Variants in INPP5A observed in about 807,000 individuals in gnomAD.
INPP5A encodes 43 kDa inositol polyphosphate 5-phophatase.
A neutral mutation model predicts 65.2 loss-of-function variants in INPP5A; 14 were observed. That is an observed-to-expected ratio of 0.21 (90% confidence interval 0.14 to 0.34). The LOEUF (loss-of-function observed/expected upper bound fraction) is 0.34, where lower values mean the gene tolerates loss of function less well. Among genes scored for constraint, INPP5A ranks in the 10% least tolerant of loss-of-function variants. The pLI, the probability that INPP5A is intolerant of heterozygous loss-of-function variation, is 1.00. For synonymous variants in INPP5A, 207 were observed against 208.3 expected, an observed-to-expected ratio of 0.99 and a Z score of 0.05; for missense variants, 431 against 545.6, an observed-to-expected ratio of 0.79 and a Z score of 2.09.
At chr10:132,649,530 C>T (rs528786488) in intron 3 of INPP5A, among the ~76,000 whole-genome samples, 1 of 152,342 alleles carries the variant, frequency 6.6e-6, no homozygotes, top group African/African-American at 2.4e-5. Flanking sequence ...ACAGTTAAGC[C>T]ACATGGGGAT....
chr10:132,765,758 CTT>C lies in INPP5A; in HGVS notation c.904-13_904-12del. 4 of 1,558,330 alleles carry C rather than the reference CTT, an allele frequency of 2.6e-6. No homozygotes were observed. Among genetic ancestry groups the C allele is most frequent in the Non-Finnish European group, 3.5e-6 (4 of 1,129,218 alleles). ...AACCAATGTGACTTTATTTTCTGCT[CTT>C]TCTTTTCTTTAGCTCTTGGAGTTTG... On this transcript the variant is annotated splice_polypyrimidine_tract_variant and intron_variant, in intron 11 of 15. Coordinates refer to ENST00000368594, the MANE Select transcript of INPP5A (RefSeq NM_005539.5).
chr10:132,669,856 C>A (rs1282381034), intron 4 of INPP5A, among the ~76,000 whole-genome samples: 2 of 152,018 alleles, frequency 1.3e-5, no homozygotes, highest in Non-Finnish European at 2.9e-5. Context: ...TGCTGAGCCC[C>A]CAGGGAGCCA....
intron 2 of INPP5A, among the ~76,000 whole-genome samples, chr10:132,635,329 T>C (rs1484835466): frequency 6.6e-6 from 1 of 151,896 alleles, no homozygotes; most frequent in Non-Finnish European, 1.5e-5. Flanking sequence ...TTTGAATTAT[T>C]TAATTTTTTT....
intron 1 of INPP5A, among the ~76,000 whole-genome samples, chr10:132,541,584 A>G (rs1384246092): frequency 5.9e-5 from 9 of 152,184 alleles, no homozygotes; most frequent in Admixed American, 5.9e-4. Flanking sequence ...AACTACCAAT[A>G]TTTCTCATAT....
At chr10:132,709,121 C>G in intron 7 of INPP5A, among the ~76,000 whole-genome samples, 1 of 151,480 alleles carries the variant, frequency 6.6e-6, no homozygotes, top group South Asian at 2.1e-4. Context: ...CCCTGGTCAC[C>G]TTGGGGCTTC....
At chr10:132,719,435 T>C (rs376668371) in intron 8 of INPP5A, among the ~76,000 whole-genome samples, 4 of 149,750 alleles carry the variant, frequency 2.7e-5, no homozygotes, top group East Asian at 4.0e-4. Context: ...TCTTCAGGGT[T>C]CTGTGGTACC....
In INPP5A at chr10:132,757,329, C is replaced by A. The variant is rs115306964; in HGVS notation, c.903+7484C>A. ...GTCCCAGCCCTGCCAGCTCCCTTCG[C>A]GAGCGGGGCTCCGCAGAGGTGCACG... On this transcript the variant is annotated intron_variant, in intron 11 of 15. Transcript: ENST00000368594. Among the ~76,000 whole-genome samples the A allele has an allele frequency of 5.9e-5, 9 of 152,266 alleles. No homozygotes were observed. The South Asian group carries it at 1.9e-3, about 31-fold the overall frequency.
At chr10:132,579,818 C>A (rs561749359) in intron 1 of INPP5A, among the ~76,000 whole-genome samples, 13 of 152,076 alleles carry the variant, frequency 8.5e-5, no homozygotes, top group Admixed American at 4.6e-4. Flanking sequence ...TTTCGTCTGA[C>A]CCCTGCTTCG....
intron 8 of INPP5A, among the ~76,000 whole-genome samples, chr10:132,715,786 C>T (rs1845728885): frequency 6.6e-6 from 1 of 152,246 alleles, no homozygotes; most frequent in Non-Finnish European, 1.5e-5. Flanking sequence ...CGGAGAACAG[C>T]TCACAGGCTC....
chr10:132,642,536 T>G (rs2072439309), intron 2 of INPP5A, among the ~76,000 whole-genome samples: 1 of 152,184 alleles, frequency 6.6e-6, no homozygotes, highest in Admixed American at 6.5e-5. Context: ...TGAGGACACA[T>G]CTTTTCTTGT....
intron 9 of INPP5A, among the ~76,000 whole-genome samples, chr10:132,733,607 G>A (rs1310923709): frequency 1.3e-5 from 2 of 152,214 alleles, no homozygotes; most frequent in Non-Finnish European, 2.9e-5. Context: ...GGAAACCAAA[G>A]AAAATTCTGC....
At chr10:132,691,843 C>T (rs994048396) in intron 5 of INPP5A, among the ~76,000 whole-genome samples, 2 of 151,204 alleles carry the variant, frequency 1.3e-5, no homozygotes, top group Non-Finnish European at 3.0e-5. Context: ...TCGCGGGAGA[C>T]GTGCGGTCGC....
At chr10:132,691,610 G>A (rs1359942235) in intron 5 of INPP5A, among the ~76,000 whole-genome samples, 2 of 152,282 alleles carry the variant, frequency 1.3e-5, no homozygotes, top group African/African-American at 4.8e-5. Context: ...AGTGCCTGGT[G>A]AACCTACAGT....
In INPP5A at chr10:132,777,722, G is replaced by C; in HGVS notation, c.1029G>C (p.Arg343=). The change falls in exon 13 of 16, where the codon CGG becomes CGC. Residue 343 remains arginine, a synonymous_variant. Coordinates refer to ENST00000368594, the MANE Select transcript of INPP5A (RefSeq NM_005539.5). Reference sequence around the variant, plus strand: ...AGGGTGAGCAGTACATGAACACCCGGTGCCCAGCCTGGTGTGACCGCATCC... The same window carrying C: ...AGGGTGAGCAGTACATGAACACCCGCTGCCCAGCCTGGTGTGACCGCATCC... ...ARQGEQYMNT[R]CPAWCDRILM... is the part of the protein sequence containing the mutation. 6.2e-7 allele frequency: 1 copy of C among 1,613,074 alleles called. No homozygotes were observed. Among genetic ancestry groups the C allele is most frequent in the South Asian group, 1.1e-5 (1 of 91,088 alleles).
chr10:132,729,257 G>T (rs1160471108), intron 9 of INPP5A, among the ~76,000 whole-genome samples: 1 of 152,194 alleles, frequency 6.6e-6, no homozygotes, highest in African/African-American at 2.4e-5. Context: ...TCGGGAGCCG[G>T]CCTGAGTCTG....
At chr10:132,562,794 G>A (rs551530131) in intron 1 of INPP5A, among the ~76,000 whole-genome samples, 5 of 152,350 alleles carry the variant, frequency 3.3e-5, no homozygotes, top group Non-Finnish European at 7.3e-5. Context: ...GCAGGCCTGT[G>A]GGGATGGATG....
chr10:132,543,082 C>T (rs2070926256), intron 1 of INPP5A, among the ~76,000 whole-genome samples: 1 of 152,144 alleles, frequency 6.6e-6, no homozygotes, highest in Non-Finnish European at 1.5e-5. Flanking sequence ...GTGTTGGAAT[C>T]ACAGGTGTGG....
intron 5 of INPP5A, among the ~76,000 whole-genome samples, chr10:132,691,442 G>GA (rs1403894471): frequency 6.6e-6 from 1 of 152,234 alleles, no homozygotes; most frequent in Non-Finnish European, 1.5e-5. Context: ...AGCGGCCGGC[G>GA]AGAGTGGAGA....
chr10:132,760,647 T>C, intron 11 of INPP5A, among the ~76,000 whole-genome samples: 1 of 152,236 alleles, frequency 6.6e-6, no homozygotes. Context: ...GACTCTCCTT[T>C]CCTCTGTGCC....
Sources: allele counts gnomAD v4.1 joint callset (sites outside exome capture counted in the v4.1 genomes callset), GRCh38; gene constraint gnomAD v4.1.1; transcripts MANE v1.5; gene names NCBI Gene and HGNC (gene_info 2026-07-23, HGNC 2026-07-21).